RPL26L1: variants seen among roughly 807,000 people sequenced by gnomAD.
The protein encoded by RPL26L1 is ribosomal protein L26 like 1, also known as ribosomal protein uL24-like.
RPL26L1 carries 8 observed loss-of-function variants against 15.2 expected under a neutral mutation model. The ratio of observed to expected loss-of-function variants is 0.53; its 90% confidence interval spans 0.31 to 0.95. RPL26L1 has a LOEUF of 0.95. Among genes scored for constraint, RPL26L1 ranks in the 40% least tolerant of loss-of-function variants. The pLI is 0.05. For synonymous variants in RPL26L1, 51 were observed against 65.9 expected, an observed-to-expected ratio of 0.77 and a Z score of 1.09; for missense variants, 146 against 190.9, an observed-to-expected ratio of 0.76 and a Z score of 1.39.
chr5:172,963,036 TGAG>T (rs1192839030), intron 2 of RPL26L1, among the ~76,000 whole-genome samples: 2 of 152,014 alleles, frequency 1.3e-5, no homozygotes, highest in African/African-American at 4.8e-5. Flanking sequence ...ACCTGAGAAA[TGAG>T]GAGTTAGCCA....
intron 2 of RPL26L1, among the ~76,000 whole-genome samples, chr5:172,966,896 G>A (rs925673494): frequency 2.7e-5 from 4 of 150,344 alleles, no homozygotes; most frequent in Admixed American, 2.0e-4. Flanking sequence ...TCGCTCTGTC[G>A]CCAGCCTGGA....
At chr5:172,966,978 C>G (rs1755483104) in intron 2 of RPL26L1, among the ~76,000 whole-genome samples, 1 of 151,888 alleles carries the variant, frequency 6.6e-6, no homozygotes, top group Admixed American at 6.6e-5. Flanking sequence ...GCCTCAGCCC[C>G]CCGAGTAGCT....
chr5:172,960,080 T>TCA (rs1755170907), intron 2 of RPL26L1, 39 bp downstream of exon 2: 1 of 1,611,858 alleles, frequency 6.2e-7, no homozygotes, highest in Non-Finnish European at 8.5e-7. Flanking sequence ...TCGGACACCG[T>TCA]TGCCTAAGAA....
At chr5:172,958,729 G>A, upstream of RPL26L1, 2 of 246,836 alleles carry the variant, frequency 8.1e-6, no homozygotes, top group Admixed American at 4.4e-5. Flanking sequence ...TCCAGGGGTC[G>A]GCGAACGAAA....
At chr5:172,958,565 CTT>C (rs1561753489), upstream of RPL26L1, 2 of 370,778 alleles carry the variant, frequency 5.4e-6, no homozygotes, top group African/African-American at 2.1e-5. Flanking sequence ...AGCCCTTTTC[CTT>C]CCCTGCCGCC....
chr5:172,954,771 G>A, upstream of RPL26L1: 1 of 373,120 alleles, frequency 2.7e-6, no homozygotes, highest in Non-Finnish European at 5.4e-6. Flanking sequence ...GTTTTACGTT[G>A]GCATACAACA....
At chr5:172,959,679 C>T in intron 1 of RPL26L1, 186 bp from the exon 2 acceptor site, 1 of 1,068,380 alleles carries the variant, frequency 9.4e-7, no homozygotes, top group Non-Finnish European at 1.3e-6. Flanking sequence ...CATGCGACCT[C>T]CACACACGCC....
chr5:172,954,996 C>T (rs781326346), upstream of RPL26L1: 34 of 455,884 alleles, frequency 7.5e-5, no homozygotes, highest in South Asian at 3.1e-4. Flanking sequence ...TCTCTGGAGA[C>T]GTGCTTCGTG....
chr5:172,955,944 T>C (rs571830983), upstream of RPL26L1: 12 of 152,354 alleles, frequency 7.9e-5, no homozygotes, highest in South Asian at 2.5e-3. Flanking sequence ...AAGGTCATCT[T>C]TGCTGTGCCA....
upstream of RPL26L1, chr5:172,959,086 G>C (rs1755107590): frequency 6.6e-6 from 1 of 152,396 alleles, no homozygotes; most frequent in African/African-American, 2.4e-5. Flanking sequence ...GCCGGGCGTG[G>C]TGGGGGGCGC....
chr5:172,969,136 G>A (rs755974853), intron 3 of RPL26L1, among the ~76,000 whole-genome samples: 6 of 151,992 alleles, frequency 3.9e-5, no homozygotes, highest in Non-Finnish European at 7.4e-5. Context: ...GGTTGCAAGA[G>A]GCTTCCAAGT....
chr5:172,964,438 A>T (rs1377442717), intron 2 of RPL26L1, among the ~76,000 whole-genome samples: 2 of 151,578 alleles, frequency 1.3e-5, no homozygotes, highest in East Asian at 3.9e-4. Flanking sequence ...GGCACACACC[A>T]CCATGCCTGG....
At chr5:172,954,911 A>G (rs1292293667), upstream of RPL26L1, 3 of 456,198 alleles carry the variant, frequency 6.6e-6, no homozygotes, top group East Asian at 2.1e-4. Flanking sequence ...AAAACCCTCC[A>G]GGGGTGCGTG....
At chr5:172,966,309 AACTATT>A in intron 2 of RPL26L1, among the ~76,000 whole-genome samples, 1 of 125,594 alleles carries the variant, frequency 8.0e-6, no homozygotes, top group African/African-American at 2.8e-5. Context: ...ATGTCTGGCT[AACTATT>A]TTTTTTTTTT....
At chr5:172,957,615 G>A (rs999177090), upstream of RPL26L1, 5 of 252,490 alleles carry the variant, frequency 2.0e-5, no homozygotes, top group Non-Finnish European at 4.0e-5. Context: ...GAACCAGTGA[G>A]TGAGTGAGTG....
Position 172,967,579 on chromosome 5 carries a change from T to C in RPL26L1, c.169-880T>C, listed in dbSNP as rs560698915. On this transcript the variant is annotated intron_variant, in intron 2 of 3. Coordinates refer to ENST00000265100, the MANE Select transcript of RPL26L1 (RefSeq NM_016093.4). Reference sequence around the variant, plus strand: ...AAAACAGTCTGTGAGATTTAAAATTTTTTTTCTGACTTTAAAATATTTGTA... The same window carrying C: ...AAAACAGTCTGTGAGATTTAAAATTCTTTTTCTGACTTTAAAATATTTGTA... Among the ~76,000 whole-genome samples the C allele has an allele frequency of 1.6e-4, 24 of 152,290 alleles. 1 individual carries two copies. The South Asian group carries it at 4.3e-3, about 28-fold the overall frequency.
chr5:172,962,919 T>C (rs1336431935), intron 2 of RPL26L1, among the ~76,000 whole-genome samples: 2 of 151,566 alleles, frequency 1.3e-5, no homozygotes, highest in African/African-American at 4.9e-5. Flanking sequence ...AAAAATAAAA[T>C]GATTTCAAAT....
chr5:172,955,163 T>G, upstream of RPL26L1: 1 of 340,380 alleles, frequency 2.9e-6, no homozygotes, highest in East Asian at 7.9e-5. Flanking sequence ...TGAGACGGAG[T>G]CATTGCCCAG....
upstream of RPL26L1, chr5:172,955,269 C>T: frequency 3.3e-6 from 1 of 302,054 alleles, no homozygotes; most frequent in South Asian, 3.0e-5. Flanking sequence ...GCTGAGATTA[C>T]AGGCGCCCAC....
Sources: gnomAD v4.1 joint callset for allele counts (sites outside exome capture counted in the v4.1 genomes callset) on GRCh38, gnomAD v4.1.1 for gene constraint, MANE v1.5 for transcripts, NCBI Gene and HGNC (gene_info 2026-07-23, HGNC 2026-07-21) for gene names.